Variants in RNF135 observed in about 807,000 individuals in gnomAD.
RNF135 encodes the protein E3 ubiquitin-protein ligase RNF135.
In RNF135, 46 loss-of-function variants were observed where a neutral mutation model predicts 41.9. That is an observed-to-expected ratio of 1.10 (90% confidence interval 0.87 to 1.40). The LOEUF is 1.40. Ranked by LOEUF, RNF135 falls within the 40% of genes most tolerant of loss-of-function variation. The pLI is 0.00. For synonymous variants in RNF135, 238 were observed against 223.8 expected (o/e 1.06, Z -0.57); for missense variants, 539 against 549.8 (o/e 0.98, Z 0.20).
intron 1 of RNF135, among the ~76,000 whole-genome samples, chr17:30,979,705 G>T (rs1406069219): frequency 8.1e-6 from 1 of 122,826 alleles, no homozygotes; most frequent in African/African-American, 3.2e-5. Flanking sequence ...CTGGCCGGGC[G>T]GGGGGCTGAC....
intron 3 of RNF135, among the ~76,000 whole-genome samples, chr17:30,989,984 C>CAAAAAAAA (rs10627734): frequency 5.4e-5 from 3 of 55,304 alleles, no homozygotes; most frequent in Non-Finnish European, 8.7e-5. Context: ...AACTCTGTCT[C>CAAAAAAAA]AAAAAAAAAA....
intron 3 of RNF135, among the ~76,000 whole-genome samples, chr17:30,994,519 C>G (rs1255354895): frequency 6.6e-6 from 1 of 152,134 alleles, no homozygotes; most frequent in Admixed American, 6.5e-5. Flanking sequence ...CACTGCACTC[C>G]AGCCTCGGCA....
chr17:30,975,735 T>G, intron 1 of RNF135: 1 of 1,359,794 alleles, frequency 7.4e-7, no homozygotes, highest in Non-Finnish European at 1.1e-6. Flanking sequence ...GCTCACCTGA[T>G]TGGCCTGGTG....
intron 3 of RNF135, 138 bp downstream of exon 3, chr17:30,988,244 G>A (rs1273843343): frequency 2.4e-6 from 2 of 842,106 alleles, no homozygotes; most frequent in Non-Finnish European, 3.9e-6. Context: ...GAATCAGGTA[G>A]GGGTGGGCTG....
intron 1 of RNF135, among the ~76,000 whole-genome samples, chr17:30,974,507 T>A (rs1906261839): frequency 6.6e-6 from 1 of 152,026 alleles, no homozygotes; most frequent in South Asian, 2.1e-4. Flanking sequence ...AGTATTGACA[T>A]CTTAACAATA....
intron 3 of RNF135, among the ~76,000 whole-genome samples, chr17:30,991,782 A>T (rs1374020554): frequency 2.0e-5 from 3 of 152,054 alleles, no homozygotes; most frequent in South Asian, 2.1e-4. Context: ...GGTCTTTTAA[A>T]AATTGACATT....
At chr17:30,985,899 A>T (rs1455802767) in intron 2 of RNF135, among the ~76,000 whole-genome samples, 2 of 152,088 alleles carry the variant, frequency 1.3e-5, no homozygotes, top group South Asian at 2.1e-4. Context: ...CAGTCGCTCT[A>T]GTGTGTCTCA....
intron 1 of RNF135, among the ~76,000 whole-genome samples, chr17:30,983,353 ATTT>A (rs1192298651): frequency 4.2e-4 from 15 of 35,730 alleles, no homozygotes; most frequent in East Asian, 1.8e-3. Flanking sequence ...ATATATATAT[ATTT>A]TTTTTTTTTT....
upstream of RNF135, among the ~76,000 whole-genome samples, chr17:30,966,644 C>T (rs1043833546): frequency 2.7e-5 from 4 of 150,586 alleles, no homozygotes; most frequent in African/African-American, 7.3e-5. Context: ...TACAGGCGCC[C>T]GCCACCGTGC....
intron 3 of RNF135, among the ~76,000 whole-genome samples, chr17:30,993,651 G>A (rs1466064880): frequency 2.0e-5 from 3 of 151,804 alleles, no homozygotes; most frequent in African/African-American, 7.3e-5. Context: ...ATGGTTAAGT[G>A]TAGATTATTT....
chr17:30,966,620 C>T (rs539954377), upstream of RNF135, among the ~76,000 whole-genome samples: 7 of 150,608 alleles, frequency 4.6e-5, no homozygotes, highest in South Asian at 6.3e-4. Context: ...CTCAGCCTCC[C>T]GAGTAGCTGA....
chr17:30,977,395 A>G (rs1194264601), intron 1 of RNF135, among the ~76,000 whole-genome samples: 2 of 151,838 alleles, frequency 1.3e-5, no homozygotes, highest in Non-Finnish European at 2.9e-5. Context: ...TTGTTTTGAG[A>G]CAGAGTTTTA....
intron 2 of RNF135, among the ~76,000 whole-genome samples, chr17:30,987,478 C>A (rs1243773810): frequency 1.3e-5 from 2 of 152,126 alleles, no homozygotes; most frequent in African/African-American, 4.8e-5. Context: ...GTGTTCTACC[C>A]TCCTCAGCCT....
upstream of RNF135, chr17:30,970,772 G>C: frequency 2.0e-6 from 1 of 491,568 alleles, no homozygotes; most frequent in South Asian, 2.4e-5. Context: ...TCTTAATGGA[G>C]GGACATCCAG....
intron 3 of RNF135, among the ~76,000 whole-genome samples, chr17:30,994,905 T>TG (rs1174669839): frequency 6.6e-6 from 1 of 151,316 alleles, no homozygotes; most frequent in African/African-American, 2.4e-5. Flanking sequence ...CCCAAAGTGC[T>TG]GGGATTACAG....
chr17:30,973,542 A>C (rs998555109), intron 1 of RNF135, among the ~76,000 whole-genome samples: 1 of 151,142 alleles, frequency 6.6e-6, no homozygotes, highest in African/African-American at 2.4e-5. Flanking sequence ...ATCTCAGCTC[A>C]CTGCAGCCTC....
At chr17:30,971,792 T>A in intron 1 of RNF135, 1 of 980,016 alleles carries the variant, frequency 1.0e-6, no homozygotes, top group South Asian at 3.1e-5. Flanking sequence ...ACCTTTTTCT[T>A]TATTTCTTTG....
chr17:30,998,580 A>G, intron 4 of RNF135, 82 bp from the exon 5 acceptor site: 1 of 1,337,662 alleles, frequency 7.5e-7, no homozygotes, highest in Non-Finnish European at 1.1e-6. Flanking sequence ...AAAGATACAA[A>G]GTTGCTATTT....
chr17:30,962,438 G>A, the RNF135 span, among the ~76,000 whole-genome samples: 1 of 140,674 alleles, frequency 7.1e-6, no homozygotes, highest in Non-Finnish European at 1.5e-5. Context: ...GGCCTATGCT[G>A]CACTTCTTTT....
Sources: allele counts gnomAD v4.1 joint callset (sites outside exome capture counted in the v4.1 genomes callset), GRCh38; gene constraint gnomAD v4.1.1; transcripts MANE v1.5; gene names NCBI Gene and HGNC (gene_info 2026-07-23, HGNC 2026-07-21).